Variants in FAM24B observed in about 807,000 individuals in gnomAD.
FAM24B encodes the protein protein FAM24B.
Under a neutral mutation model 2.3 loss-of-function variants are expected in FAM24B, and 3 were observed. The observed-to-expected ratio is 1.29, with a 90% CI of 0.59 to 3.32. The LOEUF is 3.32. Among genes scored for constraint, FAM24B ranks in the 30% most tolerant of loss-of-function variants. FAM24B has a pLI of 0.03. For synonymous variants in FAM24B, 36 were observed against 46.3 expected, an observed-to-expected ratio of 0.78 and a Z score of 0.90; for missense variants, 98 against 117.2, an observed-to-expected ratio of 0.84 and a Z score of 0.76.
intron 2 of FAM24B, 144 bp from the exon 3 acceptor site, chr10:122,850,694 C>T (rs899222937): frequency 1.9e-5 from 10 of 536,580 alleles, no homozygotes; most frequent in South Asian, 2.8e-5. Context: ...CTTCCCAGGG[C>T]GGCCTAGGAT....
chr10:122,877,895 C>CT (rs1475843341), intron 1 of FAM24B, among the ~76,000 whole-genome samples: 1 of 152,220 alleles, frequency 6.6e-6, no homozygotes, highest in African/African-American at 2.4e-5. Context: ...ATTGCTATCT[C>CT]TATCAATTCC....
intron 1 of FAM24B, among the ~76,000 whole-genome samples, chr10:122,866,908 A>G (rs1170616156): frequency 6.6e-6 from 1 of 152,214 alleles, no homozygotes; most frequent in Non-Finnish European, 1.5e-5. Flanking sequence ...GCTAGAAATG[A>G]TTAAGCTTAG....
At chr10:122,872,181 A>C (rs941824645) in intron 1 of FAM24B, among the ~76,000 whole-genome samples, 18 of 152,248 alleles carry the variant, frequency 1.2e-4, no homozygotes, top group African/African-American at 4.1e-4. Flanking sequence ...AAACACATGA[A>C]AAAATGCTCA....
At chr10:122,861,809 C>T (rs1448654514) in intron 1 of FAM24B, among the ~76,000 whole-genome samples, 1 of 152,146 alleles carries the variant, frequency 6.6e-6, no homozygotes, top group Non-Finnish European at 1.5e-5. Flanking sequence ...CATCCTGAGC[C>T]ACTGGGACAT....
At chr10:122,870,225 G>C (rs970635325) in intron 1 of FAM24B, among the ~76,000 whole-genome samples, 1 of 152,106 alleles carries the variant, frequency 6.6e-6, no homozygotes, top group Admixed American at 6.5e-5. Flanking sequence ...ACTCTCCCAA[G>C]ACTAAACCAG....
chr10:122,863,091 T>C (rs1847752010), intron 1 of FAM24B, among the ~76,000 whole-genome samples: 1 of 152,168 alleles, frequency 6.6e-6, no homozygotes, highest in Admixed American at 6.5e-5. Context: ...CCCACTTCCA[T>C]TAAGCCAAGG....
intron 1 of FAM24B, among the ~76,000 whole-genome samples, chr10:122,856,337 TC>T (rs1340387045): frequency 1.3e-5 from 2 of 151,920 alleles, no homozygotes; most frequent in African/African-American, 4.8e-5. Flanking sequence ...CCAAATATCA[TC>T]TATGAGGAGC....
At chr10:122,877,661 T>A (rs1847996881) in intron 1 of FAM24B, among the ~76,000 whole-genome samples, 1 of 152,024 alleles carries the variant, frequency 6.6e-6, no homozygotes, top group Admixed American at 6.6e-5. Flanking sequence ...AGCAGTTGAG[T>A]TTGGGGGAAG....
intron 2 of FAM24B, among the ~76,000 whole-genome samples, chr10:122,852,838 C>CT (rs1847566493): frequency 6.6e-6 from 1 of 152,134 alleles, no homozygotes; most frequent in African/African-American, 2.4e-5. Flanking sequence ...AGGGCCATAG[C>CT]TTTTTCTATG....
At chr10:122,856,148 G>C (rs1045464831) in intron 1 of FAM24B, among the ~76,000 whole-genome samples, 1 of 151,832 alleles carries the variant, frequency 6.6e-6, no homozygotes, top group Non-Finnish European at 1.5e-5. Context: ...AGAGTGTCCA[G>C]GTATCCCATT....
At chr10:122,877,178 C>T (rs1184743234) in intron 1 of FAM24B, among the ~76,000 whole-genome samples, 4 of 152,178 alleles carry the variant, frequency 2.6e-5, no homozygotes, top group Non-Finnish European at 2.9e-5. Flanking sequence ...ATTGAGGTCA[C>T]CTAGGCACCA....
chr10:122,859,519 G>C (rs945389401), intron 1 of FAM24B, among the ~76,000 whole-genome samples: 8 of 152,164 alleles, frequency 5.3e-5, no homozygotes, highest in African/African-American at 1.9e-4. Context: ...CCAAGCCTCA[G>C]ATTAACTAGG....
At chr10:122,868,077 C>T (rs557444918) in intron 1 of FAM24B, among the ~76,000 whole-genome samples, 8 of 152,240 alleles carry the variant, frequency 5.3e-5, no homozygotes, top group African/African-American at 1.9e-4. Flanking sequence ...CTAGAATAAT[C>T]AATGCAGAGA....
intron 1 of FAM24B, among the ~76,000 whole-genome samples, chr10:122,869,985 A>G (rs1482080300): frequency 2.6e-5 from 4 of 152,244 alleles, no homozygotes; most frequent in East Asian, 1.9e-4. Context: ...AAAAAAATCA[A>G]TGAATCCAGG....
At chr10:122,866,273 T>A (rs1206618726) in intron 1 of FAM24B, among the ~76,000 whole-genome samples, 1 of 152,106 alleles carries the variant, frequency 6.6e-6, no homozygotes, top group Non-Finnish European at 1.5e-5. Flanking sequence ...TATTAATAAT[T>A]TGTGTCTTTT....
intron 1 of FAM24B, among the ~76,000 whole-genome samples, chr10:122,870,693 T>G (rs1184341936): frequency 6.6e-6 from 1 of 152,190 alleles, no homozygotes. Context: ...AACCACAAGA[T>G]TATCTCAATA....
At chr10:122,867,570 C>A (rs1388729175) in intron 1 of FAM24B, among the ~76,000 whole-genome samples, 6 of 152,192 alleles carry the variant, frequency 3.9e-5, no homozygotes, top group Non-Finnish European at 5.9e-5. Flanking sequence ...CCTCACATGG[C>A]CGGGTACTCC....
chr10:122,864,594 T>C (rs1299009752), intron 1 of FAM24B, among the ~76,000 whole-genome samples: 1 of 152,190 alleles, frequency 6.6e-6, no homozygotes, highest in Non-Finnish European at 1.5e-5. Context: ...TTCGGTAATT[T>C]ATATTCAGTT....
At chr10:122,862,882 T>C (rs967206747) in intron 1 of FAM24B, among the ~76,000 whole-genome samples, 3 of 152,098 alleles carry the variant, frequency 2.0e-5, no homozygotes, top group East Asian at 1.9e-4. Context: ...AAGAATCACC[T>C]GTGGAAGGTA....
Sources: allele counts gnomAD v4.1 joint callset (sites outside exome capture counted in the v4.1 genomes callset), GRCh38; gene constraint gnomAD v4.1.1; transcripts MANE v1.5; gene names NCBI Gene and HGNC (gene_info 2026-07-23, HGNC 2026-07-21).